The following CHD9 variants were observed in gnomAD, a reference collection of about 807,000 sequenced individuals.
CHD9 encodes ATP-dependent chromatin remodeler CHD9.
A neutral mutation model predicts 316.1 loss-of-function variants in CHD9; 77 were observed. That is an observed-to-expected ratio of 0.24 (90% CI 0.20 to 0.29). The LOEUF is 0.29. Ranked by LOEUF, CHD9 falls within the 10% of genes least tolerant of loss-of-function variation. The probability of loss-of-function intolerance (pLI) is 1.00; values close to 1 mark genes in which losing one functional copy is unlikely to be tolerated. For synonymous variants in CHD9, 1,129 were observed against 1,158.3 expected (o/e 0.97, Z 0.51); for missense variants, 2,763 against 3,438.1 (o/e 0.80, Z 4.91).
intron 2 of CHD9, among the ~76,000 whole-genome samples, chr16:53,171,677 C>T (rs1380106051): frequency 1.3e-5 from 2 of 151,894 alleles, no homozygotes; most frequent in Non-Finnish European, 2.9e-5. Context: ...GGCAAAACCC[C>T]GTCTCTACAA....
intron 12 of CHD9, among the ~76,000 whole-genome samples, chr16:53,241,536 A>G (rs145409117): frequency 1.1e-3 from 164 of 152,362 alleles, no homozygotes; most frequent in African/African-American, 3.8e-3. Context: ...GGATATGTCT[A>G]ATAGATGTCT....
chr16:53,251,461 A>G (rs2050121214), intron 17 of CHD9, among the ~76,000 whole-genome samples: 1 of 152,202 alleles, frequency 6.6e-6, no homozygotes, highest in Admixed American at 6.5e-5. Flanking sequence ...GACTAAGATA[A>G]TATTTGGCCT....
chr16:53,207,973 T>C, intron 2 of CHD9: 1 of 943,164 alleles, frequency 1.1e-6, no homozygotes, highest in Non-Finnish European at 1.3e-6. Flanking sequence ...TCAGTATTTT[T>C]AACGACATCT....
At chr16:53,064,716 G>A (rs957311933) in intron 1 of CHD9, among the ~76,000 whole-genome samples, 1 of 152,226 alleles carries the variant, frequency 6.6e-6, no homozygotes, top group African/African-American at 2.4e-5. Flanking sequence ...GCTCATGCCT[G>A]TAATCCCAGC....
chr16:53,103,579 G>T (rs1218108831), intron 1 of CHD9, among the ~76,000 whole-genome samples: 1 of 152,186 alleles, frequency 6.6e-6, no homozygotes, highest in Non-Finnish European at 1.5e-5. Flanking sequence ...TCATTTTGCA[G>T]TGAGCAAACT....
intron 1 of CHD9, among the ~76,000 whole-genome samples, chr16:53,100,740 A>G (rs908246966): frequency 3.2e-4 from 48 of 152,208 alleles, no homozygotes; most frequent in African/African-American, 1.2e-3. Context: ...TGCTGGGATT[A>G]CAGGCGTGAG....
intron 2 of CHD9, among the ~76,000 whole-genome samples, chr16:53,175,627 G>A (rs980479908): frequency 3.9e-5 from 6 of 152,146 alleles, no homozygotes; most frequent in African/African-American, 1.4e-4. Context: ...AGTATGATAA[G>A]CATCTTTATA....
At chr16:53,243,061 T>G (rs1197163282) in intron 13 of CHD9, 45 bp downstream of exon 13, 1 of 1,399,252 alleles carries the variant, frequency 7.1e-7, no homozygotes, top group South Asian at 1.2e-5. Context: ...GTTTATTAGA[T>G]GTATAGTGAA....
At chr16:53,295,600 G>A (rs1328925414) in intron 29 of CHD9, among the ~76,000 whole-genome samples, 2 of 152,074 alleles carry the variant, frequency 1.3e-5, no homozygotes, top group Non-Finnish European at 2.9e-5. Context: ...TGGGCACTCT[G>A]TCATATTTTT....
chr16:53,190,788 C>CA (rs2044415122), intron 2 of CHD9, among the ~76,000 whole-genome samples: 1 of 151,906 alleles, frequency 6.6e-6, no homozygotes. Flanking sequence ...AACAGGCCAG[C>CA]ATAAATTATA....
chr16:53,243,442 C>T (rs62049772), intron 13 of CHD9, among the ~76,000 whole-genome samples: 47,164 of 151,908 alleles, frequency 0.31, 7,477 homozygotes, highest in Middle Eastern at 0.39. Context: ...GCCTCCCAAG[C>T]AGCTGGGATT....
At chr16:53,233,660 T>C (rs2048371312) in intron 10 of CHD9, among the ~76,000 whole-genome samples, 1 of 151,922 alleles carries the variant, frequency 6.6e-6, no homozygotes, top group African/African-American at 2.4e-5. Context: ...TCCCCTCTAA[T>C]CATGCCTTTG....
Position 53,285,692 on chromosome 16 carries a change from T to C in CHD9, c.5064T>C (p.Phe1688=). Residue 1688 remains phenylalanine, a synonymous_variant, in exon 25 of 39, where the codon TTT becomes TTC. Coordinates refer to ENST00000447540, the MANE Select transcript of CHD9 (RefSeq NM_001308319.2). ...ATAAGTCACTCCTTATTGGAGTTTT[T>C]AAACATGGTAAGTAAGAAGTAAGGT... ...DADKSLLIGV[F]KHGYEKYNTI... is the part of the protein sequence containing the mutation. The C allele has an allele frequency of 6.3e-7, 1 of 1,590,766 alleles. No individual in the cohort carries two copies. The highest frequency in any genetic ancestry group is 8.6e-7 in the Non-Finnish European group (1 of 1,162,312).
intron 2 of CHD9, among the ~76,000 whole-genome samples, chr16:53,179,398 C>T (rs1258741896): frequency 6.6e-6 from 1 of 151,996 alleles, no homozygotes; most frequent in African/African-American, 2.4e-5. Flanking sequence ...GAATTAAAAA[C>T]ACTATTTAAA....
chr16:53,090,054 A>C (rs970886121), intron 1 of CHD9, among the ~76,000 whole-genome samples: 1 of 152,186 alleles, frequency 6.6e-6, no homozygotes, highest in Non-Finnish European at 1.5e-5. Context: ...GTGGAGGGAG[A>C]GAAGAATCCC....
chr16:53,213,514 G>T (rs73597669), intron 3 of CHD9, among the ~76,000 whole-genome samples: 5,113 of 152,250 alleles, frequency 0.034, 290 homozygotes, highest in African/African-American at 0.12. Flanking sequence ...CCAAAGGGTT[G>T]AACTTGATCT....
At chr16:53,224,758 A>G (rs1276724063) in intron 4 of CHD9, among the ~76,000 whole-genome samples, 1 of 152,200 alleles carries the variant, frequency 6.6e-6, no homozygotes, top group Admixed American at 6.5e-5. Context: ...ATTAATTAAA[A>G]CTATTCTTGA....
chr16:53,061,010 C>T (rs890657971), intron 1 of CHD9, among the ~76,000 whole-genome samples: 3 of 150,222 alleles, frequency 2.0e-5, no homozygotes, highest in Non-Finnish European at 3.0e-5. Context: ...ACTGCAACCT[C>T]CGCCCCCCCG....
intron 1 of CHD9, among the ~76,000 whole-genome samples, chr16:53,149,003 G>A (rs748030659): frequency 1.5e-4 from 23 of 151,922 alleles, no homozygotes; most frequent in Non-Finnish European, 2.5e-4. Flanking sequence ...AATTTTCCTC[G>A]TTATTTCTTC....
Sources: gnomAD v4.1 joint callset for allele counts (sites outside exome capture counted in the v4.1 genomes callset) on GRCh38, gnomAD v4.1.1 for gene constraint, MANE v1.5 for transcripts, NCBI Gene and HGNC (gene_info 2026-07-23, HGNC 2026-07-21) for gene names.